The following IFT140 variants were observed in gnomAD, a reference collection of about 807,000 sequenced individuals.
IFT140 encodes intraflagellar transport protein 140 homolog.
In IFT140, 133 loss-of-function variants were observed where a neutral mutation model predicts 164.6. The ratio of observed to expected loss-of-function variants is 0.81; its 90% CI spans 0.70 to 0.93. The LOEUF is 0.93. Ranked by LOEUF, IFT140 falls within the 40% of genes least tolerant of loss-of-function variation. IFT140 has a pLI of 0.00. For synonymous variants in IFT140, 860 were observed against 817.3 expected, an observed-to-expected ratio of 1.05 and a Z score of -0.89; for missense variants, 2,045 against 1,972.3, an observed-to-expected ratio of 1.04 and a Z score of -0.70.
chr16:1,548,598 T>C (rs950981553), intron 19 of IFT140, among the ~76,000 whole-genome samples: 1 of 152,208 alleles, frequency 6.6e-6, no homozygotes, highest in Non-Finnish European at 1.5e-5. Flanking sequence ...GAGAAAAGTC[T>C]TCAGGAAACA....
chr16:1,523,741 G>A (rs560697179), intron 25 of IFT140, 41 bp from the exon 26 acceptor site: 1 of 1,606,526 alleles, frequency 6.2e-7, no homozygotes, highest in African/African-American at 1.3e-5. Flanking sequence ...CCGAGGCCTG[G>A]GGGCCCGAGC....
intron 4 of IFT140, chr16:1,602,150 T>TC (rs1201279235): frequency 3.5e-6 from 2 of 575,780 alleles, no homozygotes; most frequent in Non-Finnish European, 6.2e-6. Context: ...GAATGCAGTT[T>TC]CCCAGCAAAG....
chr16:1,510,633 A>G lies in IFT140; in HGVS notation c.*311T>C, dbSNP rs2040108344. The G allele has an allele frequency of 2.3e-6, 1 of 444,302 alleles. No individual in the cohort carries two copies. The highest frequency in any genetic ancestry group is 2.4e-5 in the South Asian group (1 of 42,150). 27.5% of individuals were successfully genotyped at this position (444,302 alleles called of 1,614,324 possible). ...TCCAGCTGCAGCTTCCTGAGGTTCT[A>G]GAAGTTTCTCAGGCTTTACAATGTG... is the stretch of plus-strand genomic sequence containing the variant. On this transcript the variant is annotated 3_prime_UTR_variant, in exon 31 of 31. Transcript: ENST00000426508.
At chr16:1,514,206 A>G (rs889558307) in intron 30 of IFT140, 1 of 151,730 alleles carries the variant, frequency 6.6e-6, no homozygotes, top group African/African-American at 2.4e-5. Flanking sequence ...GTCTCTACTA[A>G]AAATGCAAAA....
chr16:1,604,710 G>C (rs1229625171), intron 3 of IFT140, among the ~76,000 whole-genome samples: 2 of 152,120 alleles, frequency 1.3e-5, no homozygotes, highest in Admixed American at 1.3e-4. Context: ...CAGGAGAGGG[G>C]GATGGGAACC....
intron 4 of IFT140, among the ~76,000 whole-genome samples, chr16:1,601,792 AC>A: frequency 6.6e-6 from 1 of 152,350 alleles, no homozygotes; most frequent in South Asian, 2.1e-4. Flanking sequence ...CTCAGTCTTC[AC>A]TCTAGATGCC....
At chr16:1,527,346 C>T (rs1041509921) in intron 19 of IFT140, among the ~76,000 whole-genome samples, 1 of 152,158 alleles carries the variant, frequency 6.6e-6, no homozygotes, top group Non-Finnish European at 1.5e-5. Flanking sequence ...GGTGACCCAG[C>T]CCACGCAGGG....
At chr16:1,565,650 C>A (rs1235021509) in intron 16 of IFT140, among the ~76,000 whole-genome samples, 1 of 152,242 alleles carries the variant, frequency 6.6e-6, no homozygotes, top group East Asian at 1.9e-4. Context: ...GGGCTCAGCT[C>A]CGTGGCCCAC....
intron 19 of IFT140, 141 bp downstream of exon 19, chr16:1,557,794 T>C: frequency 4.8e-6 from 4 of 829,832 alleles, no homozygotes; most frequent in Non-Finnish European, 7.7e-6. Context: ...TTTCATCGAG[T>C]GGGAAGACCA....
At chr16:1,561,712 G>A (rs1002236369) in intron 18 of IFT140, among the ~76,000 whole-genome samples, 23 of 152,226 alleles carry the variant, frequency 1.5e-4, no homozygotes, top group African/African-American at 2.4e-4. Context: ...AGTCCTGCCC[G>A]AGAGCTCCTT....
In IFT140 at chr16:1,511,070, G is replaced by A. The variant is rs138436199; in HGVS notation, c.4263C>T (p.Asp1421=). 2.0e-5 allele frequency: 32 copies of A among 1,609,058 alleles called. No homozygotes were observed. The highest frequency in any genetic ancestry group is 5.5e-5 in the South Asian group (5 of 90,310). The change falls in exon 31 of 31, where the codon GAC becomes GAT. Residue 1421 remains aspartate, a synonymous_variant. Transcript: ENST00000426508. ...MSYYVSPQAV[D]AVHRGLGLPL... ...GGAGACCCAGCCCCCGGTGCACGGC[G>A]TCCACGGCCTGCGGGCTCACGTAGT...
At chr16:1,544,386 T>C (rs975098570) in intron 19 of IFT140, among the ~76,000 whole-genome samples, 14 of 151,774 alleles carry the variant, frequency 9.2e-5, no homozygotes, top group South Asian at 8.3e-4. Flanking sequence ...GGGGTTTCAC[T>C]ATGTTCGCCA....
At chr16:1,530,201 C>T (rs925251739) in intron 19 of IFT140, among the ~76,000 whole-genome samples, 1 of 142,316 alleles carries the variant, frequency 7.0e-6, no homozygotes, top group Non-Finnish European at 1.5e-5. Flanking sequence ...TGTGGTGGCA[C>T]GATCTTGGCT....
chr16:1,543,514 G>A (rs755998184), intron 19 of IFT140, among the ~76,000 whole-genome samples: 14 of 152,248 alleles, frequency 9.2e-5, no homozygotes, highest in South Asian at 2.1e-4. Flanking sequence ...AGCACAGGGC[G>A]TGGAGCCTGG....
At chr16:1,529,336 G>A (rs1050394902) in intron 19 of IFT140, among the ~76,000 whole-genome samples, 5 of 152,216 alleles carry the variant, frequency 3.3e-5, no homozygotes, top group East Asian at 1.9e-4. Flanking sequence ...GGGCCGGGAA[G>A]TGAGCCTGCC....
chr16:1,510,952 C>T lies in IFT140; in HGVS notation c.4381G>A (p.Asp1461Asn), dbSNP rs201065562. 1.8e-4 allele frequency: 283 copies of T among 1,611,312 alleles called. No individual in the cohort carries two copies. The highest frequency in any genetic ancestry group is 1.9e-4 in the Non-Finnish European group (220 of 1,179,340). Residue 1461 changes from aspartate (D) to asparagine (N), a missense_variant, in exon 31 of 31, where the codon GAC becomes AAC. Transcript: ENST00000426508. ...CCTGGGGCCCAGGCCCCTCAGGGGT[C>T]GTCATCTGCCTCTTCCACCACCTCC... ...DEEVVEEADD[D>N]P
rs939722027 is a variant in IFT140, at chr16:1,607,197, G to A, written c.70C>T (p.His24Tyr). ...ACTGCCAAGAATGGATGGACAGGGT[G>A]CCAGCTGATAAATGAGGGTGACCCT... ...AAGSPSFISW[H>Y]PVHPFLAVAY... The change falls in exon 3 of 31, where the codon CAC becomes TAC. Residue 24 changes from histidine (H) to tyrosine (Y), a missense_variant. His to Tyr is a moderately conservative substitution (Grantham distance 83, BLOSUM62 2). Coordinates refer to ENST00000426508, the MANE Select transcript of IFT140 (RefSeq NM_014714.4). 5.0e-6 allele frequency: 8 copies of A among 1,614,024 alleles called. No homozygotes were observed. The highest frequency in any genetic ancestry group is 3.3e-5 in the Admixed American group (2 of 60,000).
At chr16:1,588,873 G>A (rs1391182597) in intron 7 of IFT140, among the ~76,000 whole-genome samples, 2 of 152,204 alleles carry the variant, frequency 1.3e-5, no homozygotes. Flanking sequence ...CCCTGGCCTG[G>A]CAGGGCTGTG....
intron 19 of IFT140, among the ~76,000 whole-genome samples, chr16:1,536,396 C>T (rs138799324): frequency 1.8e-3 from 267 of 152,340 alleles, no homozygotes; most frequent in Non-Finnish European, 3.1e-3. Context: ...CTCCTGCTCA[C>T]CTGCCTGCGT....
Sources: allele counts gnomAD v4.1 joint callset (sites outside exome capture counted in the v4.1 genomes callset), GRCh38; gene constraint gnomAD v4.1.1; transcripts MANE v1.5; gene names NCBI Gene and HGNC (gene_info 2026-07-23, HGNC 2026-07-21).